The following USP34 variants were observed in gnomAD, a reference collection of about 807,000 sequenced individuals.
USP34 encodes the protein ubiquitin specific peptidase 34, also known as ubiquitin carboxyl-terminal hydrolase 34.
A neutral mutation model predicts 460.3 loss-of-function variants in USP34; 70 were observed. The ratio of observed to expected loss-of-function variants is 0.15; its 90% confidence interval spans 0.13 to 0.19. The LOEUF (loss-of-function observed/expected upper bound fraction) is 0.19, where lower values mean the gene tolerates loss of function less well. Among genes scored for constraint, USP34 ranks in the 10% least tolerant of loss-of-function variants. The pLI is 1.00. For synonymous variants in USP34, 1,647 were observed against 1,405.3 expected (o/e 1.17, Z -3.85); for missense variants, 3,985 against 4,236.2 (o/e 0.94, Z 1.65).
chr2:61,322,218 A>T (rs1484329164), intron 21 of USP34, among the ~76,000 whole-genome samples: 2 of 152,200 alleles, frequency 1.3e-5, no homozygotes, highest in Non-Finnish European at 2.9e-5. Flanking sequence ...TGACAAGAGC[A>T]AGACTCTGTC....
At chr2:61,226,526 A>G (rs1286291027) in intron 62 of USP34, among the ~76,000 whole-genome samples, 1 of 152,010 alleles carries the variant, frequency 6.6e-6, no homozygotes, top group Non-Finnish European at 1.5e-5. Flanking sequence ...ACTTTTTCCC[A>G]CCTTTTTTTA....
chr2:61,340,971 T>C (rs1353135568), intron 16 of USP34, among the ~76,000 whole-genome samples: 1 of 151,980 alleles, frequency 6.6e-6, no homozygotes, highest in African/African-American at 2.4e-5. Context: ...CCCTAGGAAG[T>C]TCCCTTGTGA....
chr2:61,429,507 G>C (rs1291599036), intron 1 of USP34, among the ~76,000 whole-genome samples: 2 of 152,098 alleles, frequency 1.3e-5, no homozygotes, highest in Non-Finnish European at 2.9e-5. Context: ...TGCACCTGTA[G>C]TCCTAGCTAC....
At chr2:61,446,954 G>T (rs1695137135) in intron 1 of USP34, among the ~76,000 whole-genome samples, 1 of 151,852 alleles carries the variant, frequency 6.6e-6, no homozygotes, top group South Asian at 2.1e-4. Context: ...TCATTACACA[G>T]CATCAGAAAA....
At chr2:61,339,985 T>C (rs965998717) in intron 16 of USP34, among the ~76,000 whole-genome samples, 4 of 152,222 alleles carry the variant, frequency 2.6e-5, no homozygotes, top group African/African-American at 7.2e-5. Context: ...ACAATACTTA[T>C]GAGGAGAGAA....
At chr2:61,363,261 G>T (rs1019681117) in intron 10 of USP34, among the ~76,000 whole-genome samples, 3 of 152,168 alleles carry the variant, frequency 2.0e-5, no homozygotes, top group Non-Finnish European at 4.4e-5. Flanking sequence ...TCACTGGTGA[G>T]AATGTAAAAT....
intron 5 of USP34, among the ~76,000 whole-genome samples, chr2:61,394,461 T>TG (rs1322565476): frequency 7.0e-6 from 1 of 143,452 alleles, no homozygotes; most frequent in Admixed American, 7.4e-5. Context: ...CTCAGGAGGG[T>TG]GAGGTGGGAG....
Position 61,383,485 on chromosome 2 carries a change from C to T in USP34, c.754-149G>A, listed in dbSNP as rs1021900538. 22 of 479,734 alleles carry T rather than the reference C, an allele frequency of 4.6e-5. No homozygotes were observed. Among genetic ancestry groups the T allele is most frequent in the African/African-American group, 9.9e-5 (5 of 50,724 alleles). The allele number at this position is 479,734 out of a possible 1,614,324, so 29.7% of individuals were successfully genotyped here. On this transcript the variant is annotated intron_variant, in intron 5 of 79. Coordinates refer to ENST00000398571, the MANE Select transcript of USP34 (RefSeq NM_014709.4). ...TTTGGGAGGCTGAGGTGGGCAGATC[C>T]GAAGGTCAGGAGTTTGAGATCAGCC...
chr2:61,197,615 T>G (rs939531581), intron 75 of USP34, among the ~76,000 whole-genome samples: 1 of 152,218 alleles, frequency 6.6e-6, no homozygotes, highest in Non-Finnish European at 1.5e-5. Flanking sequence ...TTCTCTCTTT[T>G]GAGACAGGAT....
rs754426038 is a variant in USP34, at chr2:61,395,039, C to T, written c.604-37G>A. ...AAGAAAACATGTCATTATTTGAAAA[C>T]GTACAAATAATTTTTATCTTAGCAA... is the stretch of plus-strand genomic sequence containing the variant. On this transcript the variant is annotated intron_variant, in intron 4 of 79. Coordinates refer to ENST00000398571, the MANE Select transcript of USP34 (RefSeq NM_014709.4). 1.0e-5 allele frequency: 16 copies of T among 1,543,978 alleles called. No homozygotes were observed. In the East Asian group the frequency reaches 1.4e-4, roughly 13 times the overall value.
intron 6 of USP34, among the ~76,000 whole-genome samples, chr2:61,382,975 C>T (rs950638132): frequency 3.3e-5 from 5 of 152,106 alleles, no homozygotes; most frequent in African/African-American, 4.8e-5. Flanking sequence ...GTGCCTAGAA[C>T]GTAACAGACA....
At chr2:61,190,684 C>T (rs1448992043) in intron 76 of USP34, 26 bp from the exon 77 acceptor site, 3 of 1,599,220 alleles carry the variant, frequency 1.9e-6, no homozygotes, top group East Asian at 2.2e-5. Context: ...GATGGTTGAG[C>T]ACTTACGGTT....
At chr2:61,353,984 G>A (rs1372758476) in intron 10 of USP34, among the ~76,000 whole-genome samples, 2 of 152,102 alleles carry the variant, frequency 1.3e-5, no homozygotes, top group African/African-American at 2.4e-5. Context: ...CAAGTCTGAG[G>A]AAAAGAAGAA....
chr2:61,409,777 C>T (rs979919386), intron 2 of USP34, among the ~76,000 whole-genome samples: 11 of 151,956 alleles, frequency 7.2e-5, no homozygotes, highest in Non-Finnish European at 1.5e-4. Flanking sequence ...TGATAATGGA[C>T]CTAAGAAACT....
At chr2:61,255,312 C>T (rs1688695212) in intron 48 of USP34, among the ~76,000 whole-genome samples, 1 of 152,170 alleles carries the variant, frequency 6.6e-6, no homozygotes, top group African/African-American at 2.4e-5. Flanking sequence ...AACACTCTAA[C>T]TCAACAGTTA....
chr2:61,248,780 A>C, intron 48 of USP34, 97 bp from the exon 49 acceptor site: 1 of 1,168,534 alleles, frequency 8.6e-7, no homozygotes, highest in Admixed American at 2.7e-5. Flanking sequence ...TTTTCAACTC[A>C]GAGTTAAGAA....
intron 25 of USP34, 113 bp downstream of exon 25, chr2:61,314,472 T>C: frequency 1.1e-6 from 1 of 950,384 alleles, no homozygotes; most frequent in Non-Finnish European, 1.4e-6. Context: ...TTTGGTAAAT[T>C]ATGCTTTCTA....
At chr2:61,300,922 C>T in intron 29 of USP34, 29 bp downstream of exon 29, 1 of 1,516,648 alleles carries the variant, frequency 6.6e-7, no homozygotes, top group Non-Finnish European at 9.0e-7. Flanking sequence ...AGACACAAAA[C>T]AAGATTTGTG....
chr2:61,418,666 A>G (rs192279291), intron 2 of USP34, among the ~76,000 whole-genome samples: 7 of 152,312 alleles, frequency 4.6e-5, no homozygotes, highest in Admixed American at 3.3e-4. Flanking sequence ...CTAGGCCACA[A>G]TATTTTCTGA....
Sources: allele counts gnomAD v4.1 joint callset (sites outside exome capture counted in the v4.1 genomes callset), GRCh38; gene constraint gnomAD v4.1.1; transcripts MANE v1.5; gene names NCBI Gene and HGNC (gene_info 2026-07-23, HGNC 2026-07-21).